TCOF1: variants seen among roughly 807,000 people sequenced by gnomAD.
The protein encoded by TCOF1 is treacle protein.
Under a neutral mutation model 149.0 loss-of-function variants are expected in TCOF1, and 33 were observed. The observed-to-expected ratio is 0.22, with a 90% CI of 0.17 to 0.30. TCOF1 has a LOEUF of 0.30. Among genes scored for constraint, TCOF1 ranks in the 10% least tolerant of loss-of-function variants. The pLI, the probability that TCOF1 is intolerant of heterozygous loss-of-function variation, is 1.00. For missense variants in TCOF1, 1,728 were observed against 1,840.7 expected (o/e 0.94, Z 1.12); for synonymous variants, 789 against 738.8 (o/e 1.07, Z -1.10).
intron 17 of TCOF1, chr5:150,384,212 C>A: frequency 1.0e-6 from 1 of 1,001,608 alleles, no homozygotes; most frequent in Non-Finnish European, 1.2e-6. Context: ...CTCTCACTTT[C>A]CAATGGCACA....
chr5:150,375,764 G>A lies in TCOF1; in HGVS notation c.1748G>A (p.Ser583Asn), dbSNP rs756058042. The A allele has an allele frequency of 5.0e-6, 8 of 1,614,128 alleles. No individual in the cohort carries two copies. The Admixed American group carries it at 8.3e-5, about 17-fold the overall frequency. The change falls in exon 12 of 27, where the codon AGT becomes AAT. Residue 583 changes from serine (S) to asparagine (N), a missense_variant. This residue lies in a region of TCOF1 where 1,696 missense variants were observed against 1,765.4 expected (regional missense o/e 0.96). Coordinates refer to ENST00000643257, the MANE Select transcript of TCOF1 (RefSeq NM_001371623.1). ...ATCCTCCAGGCCAAACCCACCTCCA[G>A]TCCTGCCAAGGGGCCCCCTCAGAAG... ...GNILQAKPTSSPAKGPPQKAG... is the reference protein window; with the variant it reads ...GNILQAKPTSNPAKGPPQKAG...
chr5:150,398,618 C>T (rs1223946552), intron 25 of TCOF1, among the ~76,000 whole-genome samples, 167 bp downstream of exon 25: 3 of 152,136 alleles, frequency 2.0e-5, no homozygotes, highest in East Asian at 3.9e-4. Context: ...GTTCCCTGAG[C>T]ACATGGAAGC....
At chr5:150,367,812 T>C (rs2150537398) in intron 3 of TCOF1, 32 bp from the exon 4 acceptor site, 1 of 1,613,426 alleles carries the variant, frequency 6.2e-7, no homozygotes, top group Non-Finnish European at 8.5e-7. Flanking sequence ...AAAGCTCATC[T>C]GGCTCCTTTA....
rs904926511 is a variant in TCOF1, at chr5:150,398,046, C to G, written c.4346-308C>G. The stretch of plus-strand genomic sequence containing the variant: ...CAAGCGATCCTCTTGCTTCAGCCCC[C>G]CAAATAGCTGGGACCACAGGCGTGC... On this transcript the variant is annotated intron_variant, in intron 24 of 26. Transcript: ENST00000643257. 3.9e-5 allele frequency among the ~76,000 whole-genome samples: 6 copies of G among 152,214 alleles called. No homozygotes were observed. In the East Asian group the frequency reaches 9.6e-4, roughly 24 times the overall value.
chr5:150,396,893 G>A (rs1416387238), intron 24 of TCOF1, 51 bp downstream of exon 24: 42 of 1,547,916 alleles, frequency 2.7e-5, no homozygotes, highest in Admixed American at 7.8e-5. Flanking sequence ...GGCACCCCAC[G>A]GGGGCGGGAG....
chr5:150,375,671 C>T lies in TCOF1; in HGVS notation c.1705-50C>T, dbSNP rs200165016. On this transcript the variant is annotated intron_variant, in intron 11 of 26. Transcript: ENST00000643257. Reference sequence around the variant, plus strand: ...TACAATCTTAGTTTCTTAATGTCTGCACACACCTACCCTGGGCTCCCTCTC... The same window carrying T: ...TACAATCTTAGTTTCTTAATGTCTGTACACACCTACCCTGGGCTCCCTCTC... The T allele has an allele frequency of 2.2e-3, 3,594 of 1,613,360 alleles. 5 individuals carry two copies. Among genetic ancestry groups the T allele is most frequent in the Non-Finnish European group, 2.9e-3 (3,395 of 1,179,252 alleles).
At position 150,376,062 on chromosome 5, in the gene TCOF1, T is replaced by G; in HGVS notation, c.1894-20T>G. 6.2e-7 allele frequency: 1 copy of G among 1,613,758 alleles called. No individual in the cohort carries two copies. The highest frequency in any genetic ancestry group is 1.1e-5 in the South Asian group (1 of 91,070). ...CTGAGTTCAGGAACCTTCTCCAGCC[T>G]TTCTTTGGTGTCCCCTCAGGCAAAA... On this transcript the variant is annotated intron_variant, in intron 12 of 26. Coordinates refer to ENST00000643257, the MANE Select transcript of TCOF1 (RefSeq NM_001371623.1).
chr5:150,371,740 T>C (rs1762572886), intron 6 of TCOF1, among the ~76,000 whole-genome samples: 1 of 152,178 alleles, frequency 6.6e-6, no homozygotes, highest in Non-Finnish European at 1.5e-5. Flanking sequence ...ATGAACGTAA[T>C]GGTTTTGAGA....
In TCOF1 at chr5:150,367,914, C is replaced by T. The variant is rs541324142; in HGVS notation, c.375C>T (p.Ala125=). 50 of 1,614,108 alleles carry T rather than the reference C, an allele frequency of 3.1e-5. No homozygotes were observed. The South Asian group carries it at 4.2e-4, about 13-fold the overall frequency. ...TGCCATCAAGCATGAAAGAAAAAGC[C>T]AAGGTGAGTGGGACTGCCTTCCAAG... ...ADLPSSMKEK[A]KAETEKAGKT... is the part of the protein sequence containing the mutation. Residue 125 remains alanine, a synonymous_variant, in exon 4 of 27, where the codon GCC becomes GCT. Transcript: ENST00000643257.
At chr5:150,377,847 A>G (rs1459174100) in intron 14 of TCOF1, among the ~76,000 whole-genome samples, 1 of 152,210 alleles carries the variant, frequency 6.6e-6, no homozygotes, top group Non-Finnish European at 1.5e-5. Flanking sequence ...ACCATGGGCT[A>G]TTTTGAAGTA....
At chr5:150,397,315 G>A (rs965217420) in intron 24 of TCOF1, among the ~76,000 whole-genome samples, 10 of 152,106 alleles carry the variant, frequency 6.6e-5, no homozygotes, top group African/African-American at 2.4e-4. Flanking sequence ...GCCCAGTGCA[G>A]CAGATCTTGG....
At chr5:150,376,685 G>T (rs1228395616) in intron 14 of TCOF1, 65 bp downstream of exon 14, 3 of 1,511,324 alleles carry the variant, frequency 2.0e-6, no homozygotes, top group African/African-American at 2.8e-5. Flanking sequence ...CTGAGGATGG[G>T]CTTGACTGGG....
At chr5:150,383,748 C>G in intron 17 of TCOF1, 2 of 1,551,878 alleles carry the variant, frequency 1.3e-6, no homozygotes, top group Non-Finnish European at 1.7e-6. Context: ...GACCAGGAGT[C>G]TTCTTGAATC....
At chr5:150,390,901 A>G (rs932413514) in intron 19 of TCOF1, among the ~76,000 whole-genome samples, 6 of 152,224 alleles carry the variant, frequency 3.9e-5, no homozygotes, top group African/African-American at 1.4e-4. Context: ...AAGGAAACCC[A>G]CATATAAATA....
Position 150,379,398 on chromosome 5 carries a change from C to CAGACAGTGA in TCOF1, c.2648_2649insAGACAGTGA (p.Thr883_Leu884insAspSerGlu). The CAGACAGTGA allele has an allele frequency of 6.2e-7, 1 of 1,614,074 alleles. No homozygotes were observed. The highest frequency in any genetic ancestry group is 1.1e-5 in the South Asian group (1 of 91,070). ...TCAGACAGTGAGGAGGAGGCGGAGA[C>CAGACAGTGA]GCTGGCTCAGGTGAGGGGGAGGGAA... On this transcript the variant is annotated inframe_insertion, in exon 16 of 27. Coordinates refer to ENST00000643257, the MANE Select transcript of TCOF1 (RefSeq NM_001371623.1).
intron 1 of TCOF1, among the ~76,000 whole-genome samples, chr5:150,358,991 A>G (rs958682428): frequency 1.3e-5 from 2 of 150,072 alleles, no homozygotes; most frequent in African/African-American, 2.5e-5. Flanking sequence ...AGCCATGATC[A>G]TGCCACTGCA....
rs1378456858 is a variant in TCOF1 at position 150,361,691 on chromosome 5, C to T, written c.164+480C>T. Reference sequence around the variant, plus strand: ...CAGCCACATAAATGGGTAAGTCTGGCTTCATCTGGGGGTCCAGGGGAAGCT... The same window carrying T: ...CAGCCACATAAATGGGTAAGTCTGGTTTCATCTGGGGGTCCAGGGGAAGCT... On this transcript the variant is annotated intron_variant, in intron 2 of 26. Transcript: ENST00000643257. Among the ~76,000 whole-genome samples the T allele has an allele frequency of 1.2e-4, 18 of 152,184 alleles. 1 individual carries two copies. Among genetic ancestry groups the T allele is most frequent in the Admixed American group, 1.2e-3 (18 of 15,278 alleles).
rs375787737 is a variant in TCOF1, at chr5:150,374,261, C to A, written c.958C>A (p.Pro320Thr). The change falls in exon 8 of 27, where the codon CCT (proline) becomes ACT (threonine). Residue 320 changes from proline to threonine, a missense_variant. This residue lies in a region of TCOF1 where 1,696 missense variants were observed against 1,765.4 expected (regional missense o/e 0.96). Coordinates refer to ENST00000643257, the MANE Select transcript of TCOF1 (RefSeq NM_001371623.1). ...TGGGAAAGGGGCTACCCCAGCACCC[C>A]CTGGGAAGGCAGGGGCTGTAGCCTC... Reference protein sequence around the residue: ...TPGKGATPAPPGKAGAVASQT... With the variant: ...TPGKGATPAPTGKAGAVASQT... The A allele has an allele frequency of 6.2e-7, 1 of 1,606,832 alleles. No individual in the cohort carries two copies. The highest frequency in any genetic ancestry group is 2.2e-5 in the East Asian group (1 of 44,622).
Position 150,396,402 on chromosome 5 carries a change from G to A in TCOF1, c.3905G>A (p.Gly1302Asp), listed in dbSNP as rs1405165413. ...AGCAACATCACCCAGTGCCTCCTGGGCCAACCCTGGCCCCTGAATGAGGCC... is the reference window on the plus strand; with the variant it reads ...AGCAACATCACCCAGTGCCTCCTGGACCAACCCTGGCCCCTGAATGAGGCC... The part of the protein sequence containing the change: ...LQSNITQCLL[G>D]QPWPLNEAQV... The change falls in exon 24 of 27, where the codon GGC becomes GAC. Residue 1302 changes from glycine (G) to aspartate (D), a missense_variant. By Grantham distance (94) the Gly-to-Asp change is moderately conservative (BLOSUM62 -1). This residue lies in a region of TCOF1 where 1,696 missense variants were observed against 1,765.4 expected (regional missense o/e 0.96). Coordinates refer to ENST00000643257, the MANE Select transcript of TCOF1 (RefSeq NM_001371623.1). 5 of 1,613,924 alleles carry A rather than the reference G, an allele frequency of 3.1e-6. No individual in the cohort carries two copies. The highest frequency in any genetic ancestry group is 4.2e-6 in the Non-Finnish European group (5 of 1,180,054).
Sources: gnomAD v4.1 joint callset for allele counts (sites outside exome capture counted in the v4.1 genomes callset) on GRCh38, gnomAD v4.1.1 for gene constraint, gnomAD v4.1.1 regional missense constraint, MANE v1.5 for transcripts, NCBI Gene and HGNC (gene_info 2026-07-23, HGNC 2026-07-21) for gene names.